The following GLG1 variants were observed in gnomAD, a reference collection of about 807,000 sequenced individuals.
GLG1 encodes the protein golgi glycoprotein 1, also known as Golgi apparatus protein 1.
In GLG1, 38 loss-of-function variants were observed where a neutral mutation model predicts 160.5. The observed-to-expected ratio is 0.24, with a 90% CI of 0.18 to 0.31. The LOEUF is 0.31. Ranked by LOEUF, GLG1 falls within the 10% of genes least tolerant of loss-of-function variation. GLG1 has a pLI of 1.00. For missense variants in GLG1, 1,373 were observed against 1,505.2 expected, an observed-to-expected ratio of 0.91 and a Z score of 1.45; for synonymous variants, 644 against 543.4, an observed-to-expected ratio of 1.19 and a Z score of -2.57.
chr16:74,452,209 AC>A lies in GLG1; in HGVS notation c.*957del. 1 of 1,507,136 alleles carries A rather than the reference AC, an allele frequency of 6.6e-7. No individual in the cohort carries two copies. The highest frequency in any genetic ancestry group is 8.9e-7 in the Non-Finnish European group (1 of 1,129,508). 93.4% of individuals were successfully genotyped at this position (1,507,136 alleles called of 1,614,324 possible). A position where few individuals can be genotyped will look rare whatever the true frequency, so the allele number is the denominator to read the frequency against. On this transcript the variant is annotated 3_prime_UTR_variant, in exon 26 of 26. Coordinates refer to ENST00000422840, the MANE Select transcript of GLG1 (RefSeq NM_001145667.2). ...CTGCTCCCCACACCCATCTTCAAGG[AC>A]CCCTCCCGCCACAGTCCTGCCTCCT...
intron 1 of GLG1, among the ~76,000 whole-genome samples, chr16:74,559,921 G>C (rs1299816066): frequency 6.6e-6 from 1 of 152,210 alleles, no homozygotes; most frequent in Non-Finnish European, 1.5e-5. Context: ...TGAGAAGACA[G>C]CACACAGAGT....
chr16:74,557,612 T>C (rs1456924948), intron 1 of GLG1, among the ~76,000 whole-genome samples: 1 of 152,184 alleles, frequency 6.6e-6, no homozygotes, highest in Non-Finnish European at 1.5e-5. Context: ...TCAGGAGCTC[T>C]TGAGACTGAG....
chr16:74,502,511 A>G (rs2143451173), intron 4 of GLG1, among the ~76,000 whole-genome samples: 1 of 152,168 alleles, frequency 6.6e-6, no homozygotes, highest in African/African-American at 2.4e-5. Flanking sequence ...CTGATATTTT[A>G]TAGATGGACA....
intron 2 of GLG1, among the ~76,000 whole-genome samples, chr16:74,526,512 C>T (rs1051590902): frequency 6.9e-6 from 1 of 145,330 alleles, no homozygotes; most frequent in Non-Finnish European, 1.5e-5. Context: ...TTGCTTGAGC[C>T]CAGAAGTTAG....
chr16:74,589,861 C>T (rs1958134350), intron 1 of GLG1, among the ~76,000 whole-genome samples: 1 of 152,096 alleles, frequency 6.6e-6, no homozygotes, highest in Non-Finnish European at 1.5e-5. Context: ...TGCTTGAACA[C>T]GGGAAGCAGA....
intron 2 of GLG1, among the ~76,000 whole-genome samples, chr16:74,511,681 T>C (rs1367178584): frequency 6.7e-6 from 1 of 149,998 alleles, no homozygotes; most frequent in African/African-American, 2.5e-5. Flanking sequence ...GCCAGAAAAA[T>C]TAAAACTATA....
At chr16:74,499,207 C>T (rs923085653) in intron 4 of GLG1, among the ~76,000 whole-genome samples, 1 of 106,052 alleles carries the variant, frequency 9.4e-6, no homozygotes, top group Non-Finnish European at 1.9e-5. Context: ...GTCTATAAAA[C>T]TCCTAAAACT....
chr16:74,574,883 C>CAAAAAAAAAAAAAAAAAA (rs531720341), intron 1 of GLG1, among the ~76,000 whole-genome samples: 6 of 24,792 alleles, frequency 2.4e-4, no homozygotes, highest in Non-Finnish European at 2.9e-4. Context: ...GACTCTGTCT[C>CAAAAAAAAAAAAAAAAAA]AAAAAAAAAA....
chr16:74,594,695 GCATT>G (rs781673195), intron 1 of GLG1, among the ~76,000 whole-genome samples: 41 of 152,218 alleles, frequency 2.7e-4, no homozygotes, highest in Non-Finnish European at 4.4e-4. Flanking sequence ...CATAAATTAG[GCATT>G]CGGAAGATGA....
intron 1 of GLG1, among the ~76,000 whole-genome samples, chr16:74,589,813 T>C (rs1448881380): frequency 6.6e-6 from 1 of 152,132 alleles, no homozygotes; most frequent in East Asian, 1.9e-4. Context: ...GGTACACGCC[T>C]GTGGTCCCAG....
At chr16:74,592,662 C>T (rs1354149147) in intron 1 of GLG1, among the ~76,000 whole-genome samples, 2 of 152,136 alleles carry the variant, frequency 1.3e-5, no homozygotes, top group East Asian at 3.8e-4. Flanking sequence ...ATCATAATAA[C>T]TGGTAAGTGA....
chr16:74,500,356 G>A (rs968757074), intron 4 of GLG1, among the ~76,000 whole-genome samples: 1 of 151,464 alleles, frequency 6.6e-6, no homozygotes, highest in African/African-American at 2.4e-5. Context: ...TATTATGGTA[G>A]AAAAACATCT....
At position 74,453,156 on chromosome 16, in the gene GLG1, T is replaced by TCAAGGTGG. The variant is rs937943857; in HGVS notation, c.*3_*10dup. ...ACTGGATAGGTAGTTCCTTTGGTGG[T>TCAAGGTGG]CAAGGTGGCTCTACCTGTCCTTGAG... On this transcript the variant is annotated 3_prime_UTR_variant, in exon 26 of 26. Transcript: ENST00000422840. The TCAAGGTGG allele has an allele frequency of 2.4e-5, 38 of 1,612,656 alleles. No homozygotes were observed. In the Admixed American group the frequency reaches 6.3e-4, roughly 27 times the overall value.
At position 74,456,651 on chromosome 16, in the gene GLG1, T is replaced by C; in HGVS notation, c.3370A>G (p.Lys1124Glu). 6.3e-7 allele frequency: 1 copy of C among 1,587,750 alleles called. No homozygotes were observed. Among genetic ancestry groups the C allele is most frequent in the Non-Finnish European group, 8.6e-7 (1 of 1,161,368 alleles). ...AAGGAGATTCTCTTGGTCATTACCTTTGCTGCGTAACTCCACATCTCAATC... is the reference window on the plus strand; with the variant it reads ...AAGGAGATTCTCTTGGTCATTACCTCTGCTGCGTAACTCCACATCTCAATC... ...DRIEMWSYAA[K>E]VAPADGFSDL... Residue 1124 changes from lysine to glutamate, a missense_variant and splice_region_variant, in exon 25 of 26, where the codon AAG (lysine) becomes GAG (glutamate). Around this residue, in one of 4 missense-constraint regions of GLG1, gnomAD observed 491 missense variants for 632.1 expected, o/e 0.78. Coordinates refer to ENST00000422840, the MANE Select transcript of GLG1 (RefSeq NM_001145667.2).
Position 74,568,693 on chromosome 16 carries a change from C to T in GLG1, c.439-36540G>A, listed in dbSNP as rs184010786. Among the ~76,000 whole-genome samples the T allele has an allele frequency of 3.9e-3, 600 of 152,298 alleles. 5 individuals are homozygous for T. The highest frequency in any genetic ancestry group is 4.5e-3 in the Non-Finnish European group (305 of 68,028). On this transcript the variant is annotated intron_variant, in intron 1 of 25. Transcript: ENST00000422840. The stretch of plus-strand genomic sequence containing the variant: ...TCGGCCTCCCAAAGTGCTGGGATTA[C>T]AGGCATGAGCCACTGCGCCTGGCCT...
chr16:74,479,674 G>C (rs1214486815), intron 11 of GLG1, among the ~76,000 whole-genome samples: 1 of 152,168 alleles, frequency 6.6e-6, no homozygotes, highest in Non-Finnish European at 1.5e-5. Context: ...GAGCATCTCA[G>C]AAGGTAGAGA....
chr16:74,564,961 T>G lies in GLG1; in HGVS notation c.439-32808A>C, dbSNP rs75427268. Among the ~76,000 whole-genome samples, 941 of 152,324 alleles carry G rather than the reference T, an allele frequency of 6.2e-3. 5 individuals carry two copies. The highest frequency in any genetic ancestry group is 0.011 in the Non-Finnish European group (736 of 68,024). ...TTCCCCACCTTGCAAAAGCCAGTTT[T>G]GTTACCTCCCAGTTGGATTTGAGAT... On this transcript the variant is annotated intron_variant, in intron 1 of 25. Coordinates refer to ENST00000422840, the MANE Select transcript of GLG1 (RefSeq NM_001145667.2).
chr16:74,545,531 T>A (rs2018022180), intron 1 of GLG1, among the ~76,000 whole-genome samples: 1 of 152,228 alleles, frequency 6.6e-6, no homozygotes, highest in South Asian at 2.1e-4. Flanking sequence ...GGAATTTCTG[T>A]CTGTTCCAGA....
intron 1 of GLG1, among the ~76,000 whole-genome samples, chr16:74,563,923 A>C (rs1178932032): frequency 6.6e-6 from 1 of 152,030 alleles, no homozygotes; most frequent in East Asian, 1.9e-4. Flanking sequence ...AGTTGCTGAC[A>C]CTTTTATTTT....
Sources: allele counts gnomAD v4.1 joint callset (sites outside exome capture counted in the v4.1 genomes callset), GRCh38; gene constraint gnomAD v4.1.1; regional missense constraint gnomAD v4.1.1; transcripts MANE v1.5; gene names NCBI Gene and HGNC (gene_info 2026-07-23, HGNC 2026-07-21).